MTX3: variants seen among roughly 807,000 people sequenced by gnomAD.
The protein encoded by MTX3 is metaxin 3, also known as metaxin-3.
A neutral mutation model predicts 42.5 loss-of-function variants in MTX3; 27 were observed. That is an observed-to-expected ratio of 0.64 (90% CI 0.47 to 0.88). The LOEUF is 0.88. Among genes scored for constraint, MTX3 ranks in the 40% least tolerant of loss-of-function variants. The pLI, the probability that MTX3 is intolerant of heterozygous loss-of-function variation, is 0.00. For synonymous variants in MTX3, 144 were observed against 132.9 expected, an observed-to-expected ratio of 1.08 and a Z score of -0.57; for missense variants, 378 against 367.0, an observed-to-expected ratio of 1.03 and a Z score of -0.25.
chr5:79,979,904 A>T lies in MTX3; in HGVS notation c.*3780T>A, dbSNP rs1285335818. 3 of 152,138 alleles carry T rather than the reference A, an allele frequency of 2.0e-5. No individual in the cohort carries two copies. Among genetic ancestry groups the T allele is most frequent in the Admixed American group, 6.5e-5 (1 of 15,284 alleles). 9.4% of individuals were successfully genotyped at this position (152,138 alleles called of 1,614,324 possible). On this transcript the variant is annotated 3_prime_UTR_variant, in exon 9 of 9. Coordinates refer to ENST00000512528, the MANE Select transcript of MTX3 (RefSeq NM_001363818.2). ...ACTAAGTTGAATACTATGTTTAGAA[A>T]ATTAAAGTTTTAAATCATGGTTTAT... is the stretch of plus-strand genomic sequence containing the variant.
In MTX3 at chr5:79,988,239, G is replaced by T; in HGVS notation, c.581C>A (p.Thr194Lys). The change falls in exon 6 of 9, where the codon ACG becomes AAG. Residue 194 changes from threonine to lysine, a missense_variant and splice_region_variant. Transcript: ENST00000512528. Reference sequence around the variant, plus strand: ...AAATGATTTTTAAGGGAATACTCACGTATCTCCAAAGAAAAACTGAGATGT... The same window carrying T: ...AAATGATTTTTAAGGGAATACTCACTTATCTCCAAAGAAAAACTGAGATGT... ...LGTSQFFFGDTPSTLDAYVFG... is the reference protein window; with the variant it reads ...LGTSQFFFGDKPSTLDAYVFG... 1 of 1,517,494 alleles carries T rather than the reference G, an allele frequency of 6.6e-7. No individual in the cohort carries two copies. The highest frequency in any genetic ancestry group is 9.0e-7 in the Non-Finnish European group (1 of 1,114,942). The allele number at this position is 1,517,494 out of a possible 1,614,324, so 94.0% of individuals were successfully genotyped here. A position where few individuals can be genotyped will look rare whatever the true frequency, so the allele number is the denominator to read the frequency against.
At position 79,977,908 on chromosome 5, in the gene MTX3, T is replaced by C. The variant is rs1378321841; in HGVS notation, c.*5776A>G. 6.6e-6 allele frequency: 1 copy of C among 152,064 alleles called. No homozygotes were observed. The highest frequency in any genetic ancestry group is 1.5e-5 in the Non-Finnish European group (1 of 68,008). The allele number at this position is 152,064 out of a possible 1,614,324, so 9.4% of individuals were successfully genotyped here. A position where few individuals can be genotyped will look rare whatever the true frequency, so the allele number is the denominator to read the frequency against. Reference sequence around the variant, plus strand: ...ACTTTTAAAGTACAGCCAGAAAAGGTTTGGAAAATTGTTCTGGAAATACAA... The same window carrying C: ...ACTTTTAAAGTACAGCCAGAAAAGGCTTGGAAAATTGTTCTGGAAATACAA... On this transcript the variant is annotated 3_prime_UTR_variant, in exon 9 of 9. Transcript: ENST00000512528.
Position 79,989,178 on chromosome 5 carries a change from G to C in MTX3, c.295C>G (p.Leu99Val). 6.2e-7 allele frequency: 1 copy of C among 1,607,718 alleles called. No homozygotes were observed. The highest frequency in any genetic ancestry group is 2.2e-5 in the East Asian group (1 of 44,740). ...ACTGCAGGGAGAAGCTTCTCTTCGA[G>C]GAGAGCAATATAAGCCAATGTATCT... is the stretch of plus-strand genomic sequence containing the variant. Reference protein sequence around the residue: ...GADTLAYIALLEEKLLPAVLH... With the variant: ...GADTLAYIALVEEKLLPAVLH... Residue 99 changes from leucine to valine, a missense_variant, in exon 4 of 9, where the codon CTC becomes GTC. Leu to Val is a conservative substitution (Grantham distance 32). Transcript: ENST00000512528.
chr5:79,976,759 G>C lies in MTX3; in HGVS notation c.*6925C>G, dbSNP rs1831259528. The C allele has an allele frequency of 6.6e-6, 1 of 152,524 alleles. No homozygotes were observed. Among genetic ancestry groups the C allele is most frequent in the African/African-American group, 2.4e-5 (1 of 41,400 alleles). 9.4% of individuals were successfully genotyped at this position (152,524 alleles called of 1,614,324 possible). A position where few individuals can be genotyped will look rare whatever the true frequency, so the allele number is the denominator to read the frequency against. The stretch of plus-strand genomic sequence containing the variant: ...ATTTGAGATTTTTATTGAGAAAATA[G>C]CTATTTTGACATTATATCCAGTTTC... On this transcript the variant is annotated 3_prime_UTR_variant, in exon 9 of 9. Coordinates refer to ENST00000512528, the MANE Select transcript of MTX3 (RefSeq NM_001363818.2).
chr5:79,989,362 T>C (rs1431648813), intron 3 of MTX3, 118 bp from the exon 4 acceptor site: 7 of 643,760 alleles, frequency 1.1e-5, no homozygotes, highest in Non-Finnish European at 1.8e-5. Flanking sequence ...GGTATTAAAA[T>C]GGGAGAAAGA....
intron 4 of MTX3, 53 bp downstream of exon 4, chr5:79,989,097 CTA>C (rs1241598299): frequency 8.2e-7 from 1 of 1,221,758 alleles, no homozygotes; most frequent in Non-Finnish European, 1.1e-6. Flanking sequence ...TCTAAACAGA[CTA>C]TGTACATTTG....
chr5:79,985,138 T>C (rs1377805751), intron 8 of MTX3, among the ~76,000 whole-genome samples: 1 of 152,040 alleles, frequency 6.6e-6, no homozygotes, highest in Non-Finnish European at 1.5e-5. Flanking sequence ...CCCGCCACCA[T>C]GCCCGGCTAA....
intron 8 of MTX3, among the ~76,000 whole-genome samples, chr5:79,984,425 T>C (rs1419575691): frequency 6.6e-6 from 1 of 152,160 alleles, no homozygotes; most frequent in Non-Finnish European, 1.5e-5. Context: ...CAAAGGAAGC[T>C]AGTACATTAG....
Position 79,987,019 on chromosome 5 carries a change from T to C in MTX3, c.670A>G (p.Lys224Glu), listed in dbSNP as rs1831508458. ...AAGCGACAGAGGTTGGAGAGCTGTT[T>C]CAGATGTTCTTGTAGCTGAACTTTA... is the stretch of plus-strand genomic sequence containing the variant. The part of the protein sequence containing the change: ...FPKVQLQEHL[K>E]QLSNLCRFCD... The change falls in exon 7 of 9, where the codon AAA becomes GAA. Residue 224 changes from lysine to glutamate, a missense_variant. Physicochemically the swap from Lys to Glu is moderately conservative, Grantham distance 56. Transcript: ENST00000512528. 1.2e-6 allele frequency: 2 copies of C among 1,614,008 alleles called. No individual in the cohort carries two copies. Among genetic ancestry groups the C allele is most frequent in the African/African-American group, 1.3e-5 (1 of 75,046 alleles).
In MTX3 at chr5:79,977,401, A is replaced by T. The variant is rs1249613138; in HGVS notation, c.*6283T>A. The T allele has an allele frequency of 6.6e-6, 1 of 152,246 alleles. No individual in the cohort carries two copies. Among genetic ancestry groups the T allele is most frequent in the Admixed American group, 6.5e-5 (1 of 15,288 alleles). The allele number at this position is 152,246 out of a possible 1,614,324, so 9.4% of individuals were successfully genotyped here. A position where few individuals can be genotyped will look rare whatever the true frequency, so the allele number is the denominator to read the frequency against. Reference sequence around the variant, plus strand: ...TGGGATATGTAAACGAAATGATTAAAAGACATTTCTCTGAATTTGCAAGAA... The same window carrying T: ...TGGGATATGTAAACGAAATGATTAATAGACATTTCTCTGAATTTGCAAGAA... On this transcript the variant is annotated 3_prime_UTR_variant, in exon 9 of 9. Transcript: ENST00000512528.
rs1831354785 is a variant in MTX3 at position 79,980,758 on chromosome 5, A to G, written c.*2926T>C. 1 of 152,192 alleles carries G rather than the reference A, an allele frequency of 6.6e-6. No individual in the cohort carries two copies. Among genetic ancestry groups the G allele is most frequent in the Admixed American group, 6.5e-5 (1 of 15,282 alleles). The allele number at this position is 152,192 out of a possible 1,614,324, so 9.4% of individuals were successfully genotyped here. A position where few individuals can be genotyped will look rare whatever the true frequency, so the allele number is the denominator to read the frequency against. ...ATTGGCTCACAGTATTCTGTTTAAGATTGTGGACCATTTATCCCAATGAAC... is the reference window on the plus strand; with the variant it reads ...ATTGGCTCACAGTATTCTGTTTAAGGTTGTGGACCATTTATCCCAATGAAC... On this transcript the variant is annotated 3_prime_UTR_variant, in exon 9 of 9. Transcript: ENST00000512528.
In MTX3 at chr5:79,991,257, T is replaced by C; in HGVS notation, c.-19A>G. On this transcript the variant is annotated 5_prime_UTR_variant, in exon 1 of 9. Transcript: ENST00000512528. ...CCGCCATCTTGCGCGGGCCGACCTT[T>C]ACTATCCCGGAAGTACTTTTCCTCC... is the stretch of plus-strand genomic sequence containing the variant. 6.9e-7 allele frequency: 1 copy of C among 1,442,810 alleles called. No individual in the cohort carries two copies. Among genetic ancestry groups the C allele is most frequent in the South Asian group, 1.5e-5 (1 of 65,774 alleles). The allele number at this position is 1,442,810 out of a possible 1,614,324, so 89.4% of individuals were successfully genotyped here.
Position 79,983,795 on chromosome 5 carries a change from CT to C in MTX3, c.829-2del, listed in dbSNP as rs1561281397. The stretch of plus-strand genomic sequence containing the variant: ...GGCTTTGGCGAAGATTGTCATCCAT[CT>C]GTAGAAAGTACAAAAGATACATCTG... On this transcript the variant is annotated splice_acceptor_variant, in intron 8 of 8. Transcript: ENST00000512528. LOFTEE classifies it high-confidence loss of function. The C allele has an allele frequency of 5.0e-6, 8 of 1,607,086 alleles. No homozygotes were observed. The highest frequency in any genetic ancestry group is 6.8e-6 in the Non-Finnish European group (8 of 1,174,092).
intron 1 of MTX3, 170 bp downstream of exon 1, chr5:79,990,988 G>A: frequency 2.6e-6 from 2 of 771,494 alleles, no homozygotes; most frequent in Non-Finnish European, 4.5e-6. Flanking sequence ...CCTTCGGCGG[G>A]GGTATCGGCC....
rs551445163 is a variant in MTX3, at chr5:79,990,501, AAT to A, written c.151+91_151+92del. 8.0e-5 allele frequency: 69 copies of A among 857,840 alleles called. No homozygotes were observed. The African/African-American group carries it at 9.7e-4, about 12-fold the overall frequency. The allele number at this position is 857,840 out of a possible 1,614,324, so 53.1% of individuals were successfully genotyped here. A position where few individuals can be genotyped will look rare whatever the true frequency, so the allele number is the denominator to read the frequency against. ...GAGCCAAGGTCACGGTAAGAAACTA[AAT>A]CCTCAATATTATAGCTATATACCTC... On this transcript the variant is annotated intron_variant, in intron 2 of 8. Coordinates refer to ENST00000512528, the MANE Select transcript of MTX3 (RefSeq NM_001363818.2).
chr5:79,987,558 A>C (rs1242540957), intron 6 of MTX3, among the ~76,000 whole-genome samples: 1 of 151,890 alleles, frequency 6.6e-6, no homozygotes, highest in Non-Finnish European at 1.5e-5. Flanking sequence ...TACACAGTAT[A>C]GTCTCTTAAA....
At position 79,985,325 on chromosome 5, in the gene MTX3, G is replaced by A. The variant is rs147141910; in HGVS notation, c.828+246C>T. The stretch of plus-strand genomic sequence containing the variant: ...AATCTTTTGGATTTCCTAGCTTAAA[G>A]GGTACTAACTGTGTGGCAAAAGTAA... On this transcript the variant is annotated intron_variant, in intron 8 of 8. Coordinates refer to ENST00000512528, the MANE Select transcript of MTX3 (RefSeq NM_001363818.2). Among the ~76,000 whole-genome samples, 532 of 152,106 alleles carry A rather than the reference G, an allele frequency of 3.5e-3. 3 individuals carry two copies. The highest frequency in any genetic ancestry group is 9.9e-3 in the African/African-American group (413 of 41,508).
rs1323997366 is a variant in MTX3 at position 79,990,594 on chromosome 5, C to T, written c.151G>A (p.Gly51Ser). ...GGGAGTGTAAAGGTTTACACTATAC[C>T]TCTTGAACCTCTCCAGGTGTTATCT... ...VIDNTWRGSRGDVPILTTEDD... is the reference protein window; with the variant it reads ...VIDNTWRGSRSDVPILTTEDD... Residue 51 changes from glycine (G) to serine (S), a missense_variant and splice_region_variant, in exon 2 of 9, where the codon GGC becomes AGC. Coordinates refer to ENST00000512528, the MANE Select transcript of MTX3 (RefSeq NM_001363818.2). 1 of 1,600,196 alleles carries T rather than the reference C, an allele frequency of 6.2e-7. No homozygotes were observed. The highest frequency in any genetic ancestry group is 8.5e-7 in the Non-Finnish European group (1 of 1,171,890).
At chr5:79,990,699 A>T in intron 1 of MTX3, 36 bp from the exon 2 acceptor site, 3 of 1,492,144 alleles carry the variant, frequency 2.0e-6, no homozygotes, top group Non-Finnish European at 2.8e-6. Context: ...TTTTAGACCA[A>T]GTGCGTAATG....
Sources: allele counts gnomAD v4.1 joint callset (sites outside exome capture counted in the v4.1 genomes callset), GRCh38; gene constraint gnomAD v4.1.1; transcripts MANE v1.5; gene names NCBI Gene and HGNC (gene_info 2026-07-23, HGNC 2026-07-21).